Variants in TOPAZ1 observed in about 807,000 individuals in gnomAD.
TOPAZ1 encodes the protein testis and ovary specific TOPAZ 1.
In TOPAZ1, 66 loss-of-function variants were observed where a neutral mutation model predicts 172.2. That is an observed-to-expected ratio of 0.38 (90% CI 0.31 to 0.47). TOPAZ1 has a LOEUF of 0.47. Among genes scored for constraint, TOPAZ1 ranks in the 20% least tolerant of loss-of-function variants. The probability of loss-of-function intolerance (pLI) is 0.99; values close to 1 mark genes in which losing one functional copy is unlikely to be tolerated. For missense variants in TOPAZ1, 1,822 were observed against 1,972.4 expected (o/e 0.92, Z 1.44); for synonymous variants, 681 against 683.9 (o/e 1.00, Z 0.07).
rs138841729 is a variant in TOPAZ1, at chr3:44,279,497, G to A, written c.3373-2471G>A. ...TATATGCTTTATGTGTCTTGGTGCT[G>A]CATTGATAGATGCATGTGTTTTAAG... is the stretch of plus-strand genomic sequence containing the variant. On this transcript the variant is annotated intron_variant, in intron 8 of 19. Transcript: ENST00000309765. Among the ~76,000 whole-genome samples, 313 of 152,216 alleles carry A rather than the reference G, an allele frequency of 2.1e-3. 1 individual carries two copies. Among genetic ancestry groups the A allele is most frequent in the African/African-American group, 6.4e-3 (265 of 41,540 alleles).
intron 5 of TOPAZ1, among the ~76,000 whole-genome samples, chr3:44,264,756 G>T (rs899710620): frequency 6.6e-6 from 1 of 152,184 alleles, no homozygotes; most frequent in Admixed American, 6.5e-5. Flanking sequence ...ACTAGATTGT[G>T]TGATATTCTG....
chr3:44,243,441 T>C lies in TOPAZ1; in HGVS notation c.935T>C (p.Leu312Pro). The change falls in exon 2 of 20, where the codon CTT (leucine) becomes CCT (proline). Residue 312 changes from leucine (L) to proline (P), a missense_variant. Leu to Pro is a moderately conservative substitution (Grantham distance 98). Around this residue, in one of 2 missense-constraint regions of TOPAZ1, gnomAD observed 1,489 missense variants for 1,490.8 expected, o/e 1.00. Coordinates refer to ENST00000309765, the MANE Select transcript of TOPAZ1 (RefSeq NM_001145030.2). ...AAAACCAATGGCTTGCTTTCCTGCCTTCAACATGAAAAAAATAAATATTCA... is the reference window on the plus strand; with the variant it reads ...AAAACCAATGGCTTGCTTTCCTGCCCTCAACATGAAAAAAATAAATATTCA... The part of the protein sequence containing the change: ...QSKTNGLLSC[L>P]QHEKNKYSIE... 2 of 1,551,684 alleles carry C rather than the reference T, an allele frequency of 1.3e-6. No homozygotes were observed. The highest frequency in any genetic ancestry group is 1.7e-6 in the Non-Finnish European group (2 of 1,146,960).
At chr3:44,245,530 C>CG in intron 2 of TOPAZ1, among the ~76,000 whole-genome samples, 2 of 83,010 alleles carry the variant, frequency 2.4e-5, no homozygotes, top group South Asian at 5.0e-4. Flanking sequence ...CATAGAGTGG[C>CG]TTTTTTTTTT....
rs765535798 is a variant in TOPAZ1 at position 44,243,143 on chromosome 3, A to G, written c.637A>G (p.Ile213Val). ...GAATACTCCAAAATATTCTTGTAATATCTTGTCACCTGAAGTAGAAAATAA... is the reference window on the plus strand; with the variant it reads ...GAATACTCCAAAATATTCTTGTAATGTCTTGTCACCTGAAGTAGAAAATAA... ...YKNTPKYSCN[I>V]LSPEVENNSV... The change falls in exon 2 of 20, where the codon ATC (isoleucine) becomes GTC (valine). Residue 213 changes from isoleucine to valine, a missense_variant. By Grantham distance (29) the Ile-to-Val change is conservative. Coordinates refer to ENST00000309765, the MANE Select transcript of TOPAZ1 (RefSeq NM_001145030.2). The G allele has an allele frequency of 2.2e-5, 34 of 1,549,568 alleles. No homozygotes were observed. The Admixed American group carries it at 6.1e-4, about 28-fold the overall frequency.
chr3:44,269,311 C>CT lies in TOPAZ1; in HGVS notation c.3246+13dup. The CT allele has an allele frequency of 6.7e-7, 1 of 1,483,282 alleles. No homozygotes were observed. The allele number at this position is 1,483,282 out of a possible 1,614,324, so 91.9% of individuals were successfully genotyped here. On this transcript the variant is annotated intron_variant, in intron 7 of 19. Coordinates refer to ENST00000309765, the MANE Select transcript of TOPAZ1 (RefSeq NM_001145030.2). ...GGAAAAAAATGTGGGGGTAAGTCTA[C>CT]TTTAAAAAATAATAATAATCTGTCT...
intron 5 of TOPAZ1, among the ~76,000 whole-genome samples, chr3:44,263,416 C>T (rs1475507053): frequency 6.6e-6 from 1 of 152,192 alleles, no homozygotes; most frequent in African/African-American, 2.4e-5. Flanking sequence ...GTCATTACAT[C>T]ACCATGGGCT....
intron 5 of TOPAZ1, among the ~76,000 whole-genome samples, chr3:44,266,432 C>T (rs1194767314): frequency 6.6e-6 from 1 of 152,224 alleles, no homozygotes; most frequent in Non-Finnish European, 1.5e-5. Flanking sequence ...GTCAACATGC[C>T]TTCCTCACTA....
At chr3:44,315,007 A>G (rs1481318929) in intron 16 of TOPAZ1, among the ~76,000 whole-genome samples, 1 of 152,198 alleles carries the variant, frequency 6.6e-6, no homozygotes, top group African/African-American at 2.4e-5. Context: ...TGCTATAAAT[A>G]CTACCATTTT....
At chr3:44,335,954 A>G (rs1232402731), downstream of TOPAZ1, among the ~76,000 whole-genome samples, 2 of 152,238 alleles carry the variant, frequency 1.3e-5, no homozygotes, top group Non-Finnish European at 2.9e-5. Flanking sequence ...GTCACGTTTA[A>G]GATCTGTACA....
At chr3:44,247,141 AT>A in intron 2 of TOPAZ1, among the ~76,000 whole-genome samples, 1 of 152,322 alleles carries the variant, frequency 6.6e-6, no homozygotes, top group Middle Eastern at 3.4e-3. Context: ...ATTAATTGCT[AT>A]TTGTATGCAT....
chr3:44,282,096 A>C, intron 9 of TOPAZ1, 65 bp downstream of exon 9: 1 of 1,117,808 alleles, frequency 8.9e-7, no homozygotes. Context: ...GTTTAAAAGT[A>C]AATTCAATAA....
At chr3:44,257,073 T>C (rs1699712510) in intron 4 of TOPAZ1, among the ~76,000 whole-genome samples, 1 of 152,040 alleles carries the variant, frequency 6.6e-6, no homozygotes, top group Non-Finnish European at 1.5e-5. Context: ...TCAGGCCTGT[T>C]ATCTCAGGAC....
chr3:44,285,340 C>G (rs1350368829), intron 9 of TOPAZ1, among the ~76,000 whole-genome samples: 1 of 151,908 alleles, frequency 6.6e-6, no homozygotes, highest in East Asian at 1.9e-4. Flanking sequence ...GTGGAGCACA[C>G]CTATAGTCCC....
At chr3:44,311,519 G>C (rs1320151003) in intron 16 of TOPAZ1, among the ~76,000 whole-genome samples, 1 of 152,164 alleles carries the variant, frequency 6.6e-6, no homozygotes, top group Non-Finnish European at 1.5e-5. Flanking sequence ...GAGAGATGTG[G>C]AGTGATCTTT....
intron 16 of TOPAZ1, among the ~76,000 whole-genome samples, chr3:44,319,054 G>A (rs1288024768): frequency 2.6e-5 from 4 of 151,722 alleles, no homozygotes; most frequent in East Asian, 3.9e-4. Context: ...GTGCCACCAG[G>A]GACCATTACC....
rs566993337 is a variant in TOPAZ1 at position 44,310,363 on chromosome 3, G to A, written c.4306+373G>A. Among the ~76,000 whole-genome samples, 5 of 152,236 alleles carry A rather than the reference G, an allele frequency of 3.3e-5. No homozygotes were observed. The South Asian group carries it at 8.3e-4, about 25-fold the overall frequency. On this transcript the variant is annotated intron_variant, in intron 16 of 19. Transcript: ENST00000309765. ...AAAGTACAAAAATTAGCCAGGCATG[G>A]TGGTGGCCGCTTGTAATCCCAACTA...
chr3:44,298,380 C>A (rs1374144901), intron 12 of TOPAZ1, among the ~76,000 whole-genome samples: 10 of 152,078 alleles, frequency 6.6e-5, no homozygotes, highest in Non-Finnish European at 1.5e-4. Context: ...ATCACTTGAG[C>A]CCCAGAGGTA....
At chr3:44,271,986 A>T (rs750647149) in intron 8 of TOPAZ1, among the ~76,000 whole-genome samples, 1 of 152,194 alleles carries the variant, frequency 6.6e-6, no homozygotes, top group Non-Finnish European at 1.5e-5. Context: ...CCATATGTAA[A>T]TGAGAACATA....
At chr3:44,304,273 T>C (rs1371618677) in intron 13 of TOPAZ1, among the ~76,000 whole-genome samples, 192 bp downstream of exon 13, 1 of 152,246 alleles carries the variant, frequency 6.6e-6, no homozygotes, top group Non-Finnish European at 1.5e-5. Flanking sequence ...TTTTAATTTC[T>C]AGAGTTGTGG....
Sources: allele counts gnomAD v4.1 joint callset (sites outside exome capture counted in the v4.1 genomes callset), GRCh38; gene constraint gnomAD v4.1.1; regional missense constraint gnomAD v4.1.1; transcripts MANE v1.5; gene names NCBI Gene and HGNC (gene_info 2026-07-23, HGNC 2026-07-21).